Variants in SDK2 observed in about 807,000 individuals in gnomAD.
SDK2 encodes sidekick cell adhesion molecule 2.
In SDK2, 105 loss-of-function variants were observed where a neutral mutation model predicts 253.9. The ratio of observed to expected loss-of-function variants is 0.41; its 90% CI spans 0.35 to 0.49. The LOEUF (loss-of-function observed/expected upper bound fraction) is 0.49, where lower values mean the gene tolerates loss of function less well. Among genes scored for constraint, SDK2 ranks in the 20% least tolerant of loss-of-function variants. The pLI is 0.06. For synonymous variants in SDK2, 1,249 were observed against 1,234.9 expected (o/e 1.01, Z -0.24); for missense variants, 2,608 against 3,003.0 (o/e 0.87, Z 3.07).
Position 73,483,685 on chromosome 17 carries a change from ATATATATATATATATATATATATTTT to A in SDK2, c.225-11493_225-11468del, listed in dbSNP as rs1433370332. 4.7e-5 allele frequency among the ~76,000 whole-genome samples: 3 copies of A among 64,356 alleles called. 1 individual carries two copies. Among genetic ancestry groups the A allele is most frequent in the African/African-American group, 1.8e-4 (3 of 16,418 alleles). The allele number at this position is 64,356 out of a possible 152,430, so 42.2% of individuals were successfully genotyped here. A position where few individuals can be genotyped will look rare whatever the true frequency, so the allele number is the denominator to read the frequency against. On this transcript the variant is annotated intron_variant, in intron 2 of 44. Transcript: ENST00000392650. ...TGTATATATATATATATATATATTT[ATATATATATATATATATATATATTTT>A]TTTTTTTTTTTAGTAGAGTTGGGGT...
chr17:73,345,587 A>T (rs939249087), intron 44 of SDK2, among the ~76,000 whole-genome samples: 10 of 152,176 alleles, frequency 6.6e-5, no homozygotes, highest in African/African-American at 2.4e-4. Flanking sequence ...GGAATGAATG[A>T]ATGAGCTTCA....
rs150636180 is a variant in SDK2 at position 73,406,538 on chromosome 17, C to T, written c.2485-4397G>A. On this transcript the variant is annotated intron_variant, in intron 18 of 44. Coordinates refer to ENST00000392650, the MANE Select transcript of SDK2 (RefSeq NM_001144952.2). ...GTGTTGGAATTACAGGCGTGAGCCA[C>T]CGCGCCTGGCCTGTACTTGTTTATA... Among the ~76,000 whole-genome samples, 427 of 152,168 alleles carry T rather than the reference C, an allele frequency of 2.8e-3. 2 individuals carry two copies. Among genetic ancestry groups the T allele is most frequent in the Non-Finnish European group, 4.4e-3 (301 of 68,020 alleles).
At chr17:73,393,798 A>T (rs376018446) in intron 26 of SDK2, 49 bp from the exon 27 acceptor site, 7 of 1,398,322 alleles carry the variant, frequency 5.0e-6, no homozygotes, top group Non-Finnish European at 6.7e-6. Flanking sequence ...CATCTCACCC[A>T]TCTACACTTT....
chr17:73,427,688 A>T (rs1181566779), intron 12 of SDK2, among the ~76,000 whole-genome samples: 1 of 146,542 alleles, frequency 6.8e-6, no homozygotes, highest in Non-Finnish European at 1.5e-5. Context: ...TACACCCTTC[A>T]CAAAAATTAA....
At chr17:73,476,601 A>G (rs1008751574) in intron 2 of SDK2, among the ~76,000 whole-genome samples, 2 of 152,172 alleles carry the variant, frequency 1.3e-5, no homozygotes, top group Non-Finnish European at 2.9e-5. Flanking sequence ...AACTTTAATA[A>G]AAGCCCATTT....
intron 1 of SDK2, among the ~76,000 whole-genome samples, chr17:73,566,432 G>A (rs1399393711): frequency 6.6e-6 from 1 of 151,530 alleles, no homozygotes; most frequent in African/African-American, 2.4e-5. Context: ...GTGGAGTGTT[G>A]CTATAAAGAT....
At chr17:73,550,968 C>A (rs1474821202) in intron 1 of SDK2, among the ~76,000 whole-genome samples, 1 of 152,152 alleles carries the variant, frequency 6.6e-6, no homozygotes, top group Non-Finnish European at 1.5e-5. Context: ...CCCTTGCCTA[C>A]CTCCTGTCTC....
At position 73,348,608 on chromosome 17, in the gene SDK2, G is replaced by A. The variant is rs200589595; in HGVS notation, c.6156C>T (p.Ser2052=). The change falls in exon 44 of 45, where the codon TCC becomes TCT. Residue 2052 remains serine, a synonymous_variant. Coordinates refer to ENST00000392650, the MANE Select transcript of SDK2 (RefSeq NM_001144952.2). ...SSLTEKPSEI[S]DSQGSDSEYE... ...GCCCTCCTGCCCTCACCTGAGAGTC[G>A]GAGATTTCTGAGGGCTTCTCCGTCA... 18 of 1,612,626 alleles carry A rather than the reference G, an allele frequency of 1.1e-5. No individual in the cohort carries two copies. Among genetic ancestry groups the A allele is most frequent in the East Asian group, 4.5e-5 (2 of 44,866 alleles).
In SDK2 at chr17:73,443,370, A is replaced by G. The variant is rs1379375986; in HGVS notation, c.614-2447T>C. ...GTGCCATAACGAGCGATCGGATTGAAAGCTGCTGATATAGCTGAATCCATA... is the reference window on the plus strand; with the variant it reads ...GTGCCATAACGAGCGATCGGATTGAGAGCTGCTGATATAGCTGAATCCATA... On this transcript the variant is annotated intron_variant, in intron 5 of 44. Transcript: ENST00000392650. This position sits in a 1 kb window ranked among gnomAD's most constrained non-coding sequence, Gnocchi z 4.6. 6.6e-6 allele frequency among the ~76,000 whole-genome samples: 1 copy of G among 152,254 alleles called. No homozygotes were observed. Among genetic ancestry groups the G allele is most frequent in the Non-Finnish European group, 1.5e-5 (1 of 68,042 alleles).
At chr17:73,416,052 G>C in intron 16 of SDK2, 60 bp from the exon 17 acceptor site, 2 of 1,497,958 alleles carry the variant, frequency 1.3e-6, no homozygotes, top group Non-Finnish European at 1.8e-6. Context: ...CTCGTACCCA[G>C]GAAATTGTCC....
rs562872422 is a variant in SDK2, at chr17:73,467,697, T to A, written c.331+4415A>T. 1.1e-3 allele frequency among the ~76,000 whole-genome samples: 161 copies of A among 152,300 alleles called. 1 individual carries two copies. In the South Asian group the frequency reaches 0.016, roughly 15 times the overall value. On this transcript the variant is annotated intron_variant, in intron 3 of 44. Coordinates refer to ENST00000392650, the MANE Select transcript of SDK2 (RefSeq NM_001144952.2). The surrounding 1 kb of genome is among the most constrained non-coding windows in gnomAD (Gnocchi z 4.1). ...GCTGGGTGAAACCTTCCTTAGCTTG[T>A]CAGGAACTGCGTTCTTCTCAAGGGT...
rs529190728 is a variant in SDK2, at chr17:73,467,677, G to A, written c.331+4435C>T. ...CTTCTCTCCTTCCCATCCTGGCTGGGTGAAACCTTCCTTAGCTTGTCAGGA... is the reference window on the plus strand; with the variant it reads ...CTTCTCTCCTTCCCATCCTGGCTGGATGAAACCTTCCTTAGCTTGTCAGGA... On this transcript the variant is annotated intron_variant, in intron 3 of 44. Transcript: ENST00000392650. This position sits in a 1 kb window ranked among gnomAD's most constrained non-coding sequence, Gnocchi z 4.1. Among the ~76,000 whole-genome samples the A allele has an allele frequency of 6.6e-6, 1 of 152,302 alleles. No individual in the cohort carries two copies. Among genetic ancestry groups the A allele is most frequent in the Non-Finnish European group, 1.5e-5 (1 of 68,016 alleles).
In SDK2 at chr17:73,335,143, ACT is replaced by A. The variant is rs1305292599; in HGVS notation, c.*3442_*3443del. On this transcript the variant is annotated 3_prime_UTR_variant, in exon 45 of 45. Coordinates refer to ENST00000392650, the MANE Select transcript of SDK2 (RefSeq NM_001144952.2). The stretch of plus-strand genomic sequence containing the variant: ...AAGGGGAGGCAGCCTGGGTTTGCAA[ACT>A]CTCTGGAGCCCTAGGAGGATGGTGG... The A allele has an allele frequency of 2.6e-5, 4 of 152,244 alleles. No individual in the cohort carries two copies. 9.4% of individuals were successfully genotyped at this position (152,244 alleles called of 1,614,324 possible).
intron 1 of SDK2, among the ~76,000 whole-genome samples, chr17:73,592,669 G>A (rs765629661): frequency 1.3e-5 from 2 of 152,220 alleles, no homozygotes; most frequent in Admixed American, 6.5e-5. Flanking sequence ...GGGGAAGCGC[G>A]AGGACAGGGA....
chr17:73,338,542 A>C lies in SDK2; in HGVS notation c.*45T>G, dbSNP rs2062401567. 8.7e-7 allele frequency: 1 copy of C among 1,149,314 alleles called. No homozygotes were observed. The highest frequency in any genetic ancestry group is 1.2e-6 in the Non-Finnish European group (1 of 814,644). The allele number at this position is 1,149,314 out of a possible 1,614,324, so 71.2% of individuals were successfully genotyped here. A position where few individuals can be genotyped will look rare whatever the true frequency, so the allele number is the denominator to read the frequency against. ...CAGGCAGTGAGAGGAGGGGTGAAGG[A>C]GGAGTTTGGTGCCATTTCTCTTTCT... On this transcript the variant is annotated 3_prime_UTR_variant, in exon 45 of 45. Transcript: ENST00000392650. The surrounding 1 kb of genome is among the most constrained non-coding windows in gnomAD (Gnocchi z 5.0).
intron 2 of SDK2, among the ~76,000 whole-genome samples, chr17:73,500,334 A>AT (rs2063879064): frequency 1.6e-5 from 1 of 62,430 alleles, no homozygotes. Context: ...TCCTCCCTCC[A>AT]TCTCCTCCAT....
chr17:73,464,757 A>G (rs781345739), intron 3 of SDK2, among the ~76,000 whole-genome samples: 37 of 152,052 alleles, frequency 2.4e-4, no homozygotes, highest in African/African-American at 8.2e-4. Flanking sequence ...CCCGCTCCCA[A>G]TGGCCACCCT....
At position 73,359,198 on chromosome 17, in the gene SDK2, G is replaced by A. The variant is rs1385280927; in HGVS notation, c.5468-994C>T. On this transcript the variant is annotated intron_variant, in intron 39 of 44. Coordinates refer to ENST00000392650, the MANE Select transcript of SDK2 (RefSeq NM_001144952.2). ...GTGGCCACCTGGTTTGTTGGTGGGG[G>A]GTCTCTGTGGAGCAGAGTCTAGCAT... Among the ~76,000 whole-genome samples the A allele has an allele frequency of 7.2e-5, 11 of 152,118 alleles. No individual in the cohort carries two copies. In the East Asian group the frequency reaches 1.9e-3, roughly 27 times the overall value.
intron 33 of SDK2, among the ~76,000 whole-genome samples, chr17:73,382,666 A>G (rs2062840506): frequency 6.6e-6 from 1 of 152,256 alleles, no homozygotes; most frequent in Admixed American, 6.5e-5. Context: ...GCCAATGCGG[A>G]ATACTAAATA....
Sources: gnomAD v4.1 joint callset for allele counts (sites outside exome capture counted in the v4.1 genomes callset) on GRCh38, gnomAD v4.1.1 for gene constraint, Gnocchi (gnomAD v3.1) non-coding constraint, MANE v1.5 for transcripts, NCBI Gene and HGNC (gene_info 2026-07-23, HGNC 2026-07-21) for gene names.